The following CDKAL1 variants were observed in gnomAD, a reference collection of about 807,000 sequenced individuals.
CDKAL1 encodes CDKAL1 threonylcarbamoyladenosine tRNA methylthiotransferase, also known as threonylcarbamoyladenosine tRNA methylthiotransferase.
In CDKAL1, 32 loss-of-function variants were observed where a neutral mutation model predicts 68.2. That is an observed-to-expected ratio of 0.47 (90% confidence interval 0.35 to 0.63). The LOEUF is 0.63. CDKAL1 is among the 30% of genes least tolerant of loss of function. The pLI, the probability that CDKAL1 is intolerant of heterozygous loss-of-function variation, is 0.00. For synonymous variants in CDKAL1, 234 were observed against 244.3 expected (o/e 0.96, Z 0.39); for missense variants, 606 against 696.7 (o/e 0.87, Z 1.47).
intron 11 of CDKAL1, among the ~76,000 whole-genome samples, chr6:21,033,442 C>T (rs974838306): frequency 1.3e-5 from 2 of 151,892 alleles, no homozygotes; most frequent in Non-Finnish European, 1.5e-5. Context: ...CCGTTGATAT[C>T]ATAGAAGAAA....
At chr6:20,783,754 G>A (rs879836171) in intron 8 of CDKAL1, among the ~76,000 whole-genome samples, 1 of 152,166 alleles carries the variant, frequency 6.6e-6, no homozygotes, top group Non-Finnish European at 1.5e-5. Context: ...CCACTACAAT[G>A]TAAGCTCCTT....
chr6:20,886,229 G>GAA (rs1761061324), intron 9 of CDKAL1, among the ~76,000 whole-genome samples: 1 of 152,174 alleles, frequency 6.6e-6, no homozygotes, highest in African/African-American at 2.4e-5. Context: ...AAACAAAATA[G>GAA]AAACTAAGTG....
rs182808238 is a variant in CDKAL1 at position 20,891,628 on chromosome 6, G to A, written c.742+45450G>A. ...CGGCTTGCTGCAACCTCCGCCTCCCGGGTTCAAGCGATTCTCCTGCCTCAG... is the reference window on the plus strand; with the variant it reads ...CGGCTTGCTGCAACCTCCGCCTCCCAGGTTCAAGCGATTCTCCTGCCTCAG... On this transcript the variant is annotated intron_variant, in intron 9 of 15. Coordinates refer to ENST00000274695, the MANE Select transcript of CDKAL1 (RefSeq NM_017774.3). 3.8e-3 allele frequency among the ~76,000 whole-genome samples: 577 copies of A among 149,986 alleles called. 5 individuals carry two copies. Among genetic ancestry groups the A allele is most frequent in the African/African-American group, 0.013 (528 of 40,908 alleles).
At chr6:21,052,614 C>T (rs1770605824) in intron 11 of CDKAL1, among the ~76,000 whole-genome samples, 1 of 139,326 alleles carries the variant, frequency 7.2e-6, no homozygotes, top group African/African-American at 2.7e-5. Context: ...TTCAAGTGAT[C>T]CTCTTTCCTT....
intron 12 of CDKAL1, among the ~76,000 whole-genome samples, chr6:21,074,816 T>A (rs116250903): frequency 0.031 from 4,649 of 152,256 alleles, 258 homozygotes; most frequent in African/African-American, 0.11. Context: ...ATTATTTTTT[T>A]AAAATTTCAA....
At chr6:20,561,315 G>T (rs1012929989) in intron 4 of CDKAL1, among the ~76,000 whole-genome samples, 1 of 151,836 alleles carries the variant, frequency 6.6e-6, no homozygotes, top group Non-Finnish European at 1.5e-5. Context: ...GGTGGTGCGT[G>T]CCTGTAATTC....
At chr6:21,135,975 G>A (rs2151026807) in intron 13 of CDKAL1, among the ~76,000 whole-genome samples, 1 of 152,276 alleles carries the variant, frequency 6.6e-6, no homozygotes, top group Non-Finnish European at 1.5e-5. Flanking sequence ...CAAAACACAA[G>A]TGATTTTCTT....
At chr6:21,153,893 G>A (rs942308942) in intron 13 of CDKAL1, among the ~76,000 whole-genome samples, 1 of 152,156 alleles carries the variant, frequency 6.6e-6, no homozygotes, top group East Asian at 1.9e-4. Flanking sequence ...GAAGGACACT[G>A]GACTTTTTTC....
chr6:20,935,949 G>T (rs1039775713), intron 9 of CDKAL1, among the ~76,000 whole-genome samples: 2 of 151,918 alleles, frequency 1.3e-5, no homozygotes, highest in Non-Finnish European at 2.9e-5. Flanking sequence ...TTCTTTCCTC[G>T]GAGACAAATG....
intron 9 of CDKAL1, among the ~76,000 whole-genome samples, chr6:20,891,771 G>T (rs1274866872): frequency 2.0e-5 from 3 of 152,092 alleles, no homozygotes; most frequent in Non-Finnish European, 4.4e-5. Context: ...TTGACCTCGT[G>T]ATCCACCCGC....
intron 14 of CDKAL1, among the ~76,000 whole-genome samples, chr6:21,199,088 C>T (rs1020580136): frequency 6.6e-6 from 1 of 152,140 alleles, no homozygotes; most frequent in African/African-American, 2.4e-5. Flanking sequence ...TCTTTCTTAT[C>T]AGATAAGAGG....
At chr6:20,536,969 G>A (rs536476584) in intron 2 of CDKAL1, among the ~76,000 whole-genome samples, 10 of 152,260 alleles carry the variant, frequency 6.6e-5, no homozygotes, top group South Asian at 2.1e-4. Context: ...AGATATTGAT[G>A]CCCAGGCTCC....
chr6:20,800,442 G>A (rs1776319869), intron 8 of CDKAL1, among the ~76,000 whole-genome samples: 1 of 152,152 alleles, frequency 6.6e-6, no homozygotes, highest in Admixed American at 6.5e-5. Context: ...AATTGGTCTG[G>A]GAGTGGGGAA....
intron 9 of CDKAL1, among the ~76,000 whole-genome samples, chr6:20,881,683 A>G (rs1006384298): frequency 2.1e-4 from 32 of 152,130 alleles, no homozygotes; most frequent in African/African-American, 7.2e-4. Flanking sequence ...TGTCTGTGAA[A>G]TGTCTTTCAT....
In CDKAL1 at chr6:20,998,105, A is replaced by G. The variant is rs185086548; in HGVS notation, c.910-2122A>G. 9.9e-5 allele frequency among the ~76,000 whole-genome samples: 15 copies of G among 152,282 alleles called. No individual in the cohort carries two copies. The East Asian group carries it at 2.1e-3, about 22-fold the overall frequency. ...TGTCAAGATGTCATTTCTCACCGCA[A>G]TAGATATGTCTAAAGCTGTGAGTGC... On this transcript the variant is annotated intron_variant, in intron 10 of 15. Coordinates refer to ENST00000274695, the MANE Select transcript of CDKAL1 (RefSeq NM_017774.3).
chr6:21,214,569 G>A (rs1376602540), intron 15 of CDKAL1, among the ~76,000 whole-genome samples: 3 of 151,740 alleles, frequency 2.0e-5, no homozygotes, highest in Non-Finnish European at 2.9e-5. Flanking sequence ...GATGTCCCTG[G>A]TACATACTTC....
intron 5 of CDKAL1, among the ~76,000 whole-genome samples, chr6:20,653,691 T>C (rs986696141): frequency 6.6e-6 from 1 of 151,374 alleles, no homozygotes; most frequent in African/African-American, 2.4e-5. Context: ...CTTGTCTCGC[T>C]ACAACCTCCA....
intron 9 of CDKAL1, among the ~76,000 whole-genome samples, chr6:20,896,002 C>T (rs778758287): frequency 2.6e-5 from 4 of 151,700 alleles, no homozygotes; most frequent in Non-Finnish European, 5.9e-5. Flanking sequence ...ATAAAAATAG[C>T]ATTCTGAGCA....
At chr6:20,562,247 TG>T (rs909309594) in intron 4 of CDKAL1, among the ~76,000 whole-genome samples, 1 of 139,200 alleles carries the variant, frequency 7.2e-6, no homozygotes, top group Non-Finnish European at 1.6e-5. Flanking sequence ...GCATTCTCTT[TG>T]TTTTTTTTCT....
Sources: gnomAD v4.1 joint callset for allele counts (sites outside exome capture counted in the v4.1 genomes callset) on GRCh38, gnomAD v4.1.1 for gene constraint, MANE v1.5 for transcripts, NCBI Gene and HGNC (gene_info 2026-07-23, HGNC 2026-07-21) for gene names.